Variants in EFR3B observed in about 807,000 individuals in gnomAD.
The protein encoded by EFR3B is EFR3 homolog B, also known as protein EFR3 homolog B.
Under a neutral mutation model 104.7 loss-of-function variants are expected in EFR3B, and 64 were observed. That is an observed-to-expected ratio of 0.61 (90% confidence interval 0.50 to 0.75). The LOEUF (loss-of-function observed/expected upper bound fraction) is 0.75, where lower values mean the gene tolerates loss of function less well. Among genes scored for constraint, EFR3B ranks in the 30% least tolerant of loss-of-function variants. The pLI, the probability that EFR3B is intolerant of heterozygous loss-of-function variation, is 0.00. For synonymous variants in EFR3B, 385 were observed against 417.9 expected, an observed-to-expected ratio of 0.92 and a Z score of 0.96; for missense variants, 750 against 1,078.5, an observed-to-expected ratio of 0.70 and a Z score of 4.27.
intron 11 of EFR3B, 37 bp downstream of exon 11, chr2:25,133,051 C>T (rs1329182820): frequency 1.3e-6 from 2 of 1,517,024 alleles, no homozygotes; most frequent in Non-Finnish European, 1.8e-6. Flanking sequence ...GAGTCCTCCT[C>T]TCCCCCAGCT....
At chr2:25,129,157 T>A (rs1670254643) in intron 6 of EFR3B, among the ~76,000 whole-genome samples, 1 of 151,738 alleles carries the variant, frequency 6.6e-6, no homozygotes, top group Non-Finnish European at 1.5e-5. Context: ...TAATCCTGGA[T>A]CCCCTAAGCA....
intron 4 of EFR3B, among the ~76,000 whole-genome samples, chr2:25,118,450 T>C (rs551485015): frequency 6.6e-6 from 1 of 152,250 alleles, no homozygotes; most frequent in African/African-American, 2.4e-5. Context: ...TGTGTGTGTG[T>C]ATACACAGAT....
chr2:25,132,874 C>G, intron 10 of EFR3B, 29 bp from the exon 11 acceptor site: 1 of 1,539,730 alleles, frequency 6.5e-7, no homozygotes, highest in Non-Finnish European at 8.8e-7. Context: ...CTGTGCCTCA[C>G]TGGGCACCCT....
chr2:25,098,241 G>A (rs1462752327), intron 3 of EFR3B, among the ~76,000 whole-genome samples: 1 of 152,158 alleles, frequency 6.6e-6, no homozygotes, highest in East Asian at 1.9e-4. Context: ...GGAACAAGAG[G>A]TTCTTTGTCC....
In EFR3B at chr2:25,091,196, A is replaced by G. The variant is rs1022994775; in HGVS notation, c.8-129A>G. 6 of 828,802 alleles carry G rather than the reference A, an allele frequency of 7.2e-6. No homozygotes were observed. The East Asian group carries it at 1.8e-4, about 25-fold the overall frequency. The allele number at this position is 828,802 out of a possible 1,614,324, so 51.3% of individuals were successfully genotyped here. ...GGGAGGACAAGGCCCCGAGCCCTCC[A>G]AGGGAGGGGTCTGTCTGATTCCAGC... On this transcript the variant is annotated intron_variant, in intron 1 of 22. Coordinates refer to ENST00000403714, the MANE Select transcript of EFR3B (RefSeq NM_014971.2).
In EFR3B at chr2:25,131,924, G is replaced by T. The variant is rs1352102981; in HGVS notation, c.1147+13G>T. 1.3e-6 allele frequency: 2 copies of T among 1,485,778 alleles called. No individual in the cohort carries two copies. Among genetic ancestry groups the T allele is most frequent in the Non-Finnish European group, 1.8e-6 (2 of 1,117,016 alleles). The allele number at this position is 1,485,778 out of a possible 1,614,324, so 92.0% of individuals were successfully genotyped here. On this transcript the variant is annotated intron_variant, in intron 10 of 22. Transcript: ENST00000403714. This position sits in a 1 kb window ranked among gnomAD's most constrained non-coding sequence, Gnocchi z 7.6. The stretch of plus-strand genomic sequence containing the variant: ...ATCAAGACCGTGGGTGCGGCGCGGG[G>T]CCGGGCCGGGGCGGGGCGGGGCCGA...
Position 25,141,380 on chromosome 2 carries a change from GAAGA to G in EFR3B, c.1874_1877del (p.Lys625ArgfsTer57). The G allele has an allele frequency of 6.4e-7, 1 of 1,551,542 alleles. No individual in the cohort carries two copies. Among genetic ancestry groups the G allele is most frequent in the Non-Finnish European group, 8.7e-7 (1 of 1,146,898 alleles). ...CCAACCGCCAGGTGATAGAGACCAG[GAAGA>G]AAGAGGCTCCATACATGCTCCCCGA... On this transcript the variant is annotated frameshift_variant, in exon 17 of 23. Coordinates refer to ENST00000403714, the MANE Select transcript of EFR3B (RefSeq NM_014971.2). LOFTEE classifies it high-confidence loss of function.
intron 1 of EFR3B, among the ~76,000 whole-genome samples, chr2:25,084,479 T>A (rs1668895833): frequency 6.6e-6 from 1 of 152,158 alleles, no homozygotes; most frequent in South Asian, 2.1e-4. Context: ...TCTCACGTGA[T>A]CCACCTGTCT....
intron 1 of EFR3B, among the ~76,000 whole-genome samples, chr2:25,084,315 C>T (rs771178615): frequency 8.6e-5 from 13 of 151,998 alleles, no homozygotes; most frequent in Non-Finnish European, 1.6e-4. Flanking sequence ...CGGCTCACTG[C>T]AACCTCTGCC....
intron 5 of EFR3B, among the ~76,000 whole-genome samples, chr2:25,122,423 C>T (rs546442765): frequency 1.3e-5 from 2 of 152,132 alleles, no homozygotes; most frequent in East Asian, 1.9e-4. Flanking sequence ...GAATTATATG[C>T]ATTTATACTC....
In EFR3B at chr2:25,152,038, T is replaced by C. The variant is rs1671025393; in HGVS notation, c.2298+18T>C. On this transcript the variant is annotated intron_variant, in intron 21 of 22. Coordinates refer to ENST00000403714, the MANE Select transcript of EFR3B (RefSeq NM_014971.2). ...GGGCCCGGGTAAGTGAAGCATGACA[T>C]GGGCGAGTCCCTGGGAGCCAAGTCA... 6.5e-7 allele frequency: 1 copy of C among 1,550,314 alleles called. No individual in the cohort carries two copies. The highest frequency in any genetic ancestry group is 1.4e-5 in the African/African-American group (1 of 72,992).
At chr2:25,080,307 T>TTTTTTTTTTTTTTTTTTTTTTTTTTG in intron 1 of EFR3B, 1 of 904,268 alleles carries the variant, frequency 1.1e-6, no homozygotes, top group Non-Finnish European at 1.6e-6. Flanking sequence ...TTTTTTTTTT[T>TTTTTTTTTTTTTTTTTTTTTTTTTTG]TTTTGAGATG....
chr2:25,095,610 C>T (rs553149911), intron 3 of EFR3B, among the ~76,000 whole-genome samples: 2 of 152,044 alleles, frequency 1.3e-5, no homozygotes, highest in East Asian at 1.9e-4. Context: ...ATGGGGTAAT[C>T]GCTTGAACCC....
At chr2:25,048,832 G>T (rs551521692) in intron 1 of EFR3B, among the ~76,000 whole-genome samples, 11 of 152,298 alleles carry the variant, frequency 7.2e-5, no homozygotes, top group Non-Finnish European at 1.6e-4. Flanking sequence ...GGTGGTAGTG[G>T]TCCCCCGGGC....
Position 25,070,453 on chromosome 2 carries a change from G to A in EFR3B, c.8-20872G>A, listed in dbSNP as rs553793481. Reference sequence around the variant, plus strand: ...ATATTTACATTTTTAGTAGAGATGGGGGTTTCACCATGTTGGCCAGGCTGG... The same window carrying A: ...ATATTTACATTTTTAGTAGAGATGGAGGTTTCACCATGTTGGCCAGGCTGG... On this transcript the variant is annotated intron_variant, in intron 1 of 22. Transcript: ENST00000403714. Among the ~76,000 whole-genome samples the A allele has an allele frequency of 2.0e-5, 3 of 152,178 alleles. 1 individual carries two copies. In the South Asian group the frequency reaches 6.2e-4, roughly 32 times the overall value.
At chr2:25,134,053 G>A (rs576013522) in intron 12 of EFR3B, among the ~76,000 whole-genome samples, 1 of 152,170 alleles carries the variant, frequency 6.6e-6, no homozygotes, top group Non-Finnish European at 1.5e-5. Flanking sequence ...CACAACCCCT[G>A]GCCTAAACCT....
chr2:25,111,585 A>G (rs1401237256), intron 4 of EFR3B, among the ~76,000 whole-genome samples: 4 of 152,216 alleles, frequency 2.6e-5, no homozygotes, highest in Non-Finnish European at 5.9e-5. Context: ...CTTATATGAC[A>G]AAAGGGACTT....
At chr2:25,100,725 CT>C (rs1669409169) in intron 3 of EFR3B, among the ~76,000 whole-genome samples, 1 of 152,196 alleles carries the variant, frequency 6.6e-6, no homozygotes, top group Non-Finnish European at 1.5e-5. Context: ...ATCTCCTGAC[CT>C]CGTGATCTGC....
chr2:25,137,193 G>C lies in EFR3B; in HGVS notation c.1561-148G>C. On this transcript the variant is annotated intron_variant, in intron 14 of 22. Coordinates refer to ENST00000403714, the MANE Select transcript of EFR3B (RefSeq NM_014971.2). The surrounding 1 kb of genome is among the most constrained non-coding windows in gnomAD (Gnocchi z 4.7). ...TTCCTGTGTGTGTCTGCTTCTGCCA[G>C]AGCCCGCTTTAAAGGCATCCCCTCC... 1.2e-6 allele frequency: 1 copy of C among 861,582 alleles called. No homozygotes were observed. Among genetic ancestry groups the C allele is most frequent in the Non-Finnish European group, 1.8e-6 (1 of 567,698 alleles). The allele number at this position is 861,582 out of a possible 1,614,324, so 53.4% of individuals were successfully genotyped here.
Sources: allele counts gnomAD v4.1 joint callset (sites outside exome capture counted in the v4.1 genomes callset), GRCh38; gene constraint gnomAD v4.1.1; non-coding constraint Gnocchi (gnomAD v3.1); transcripts MANE v1.5; gene names NCBI Gene and HGNC (gene_info 2026-07-23, HGNC 2026-07-21).